Variants in SMAD2 observed in about 807,000 individuals in gnomAD.
SMAD2 encodes the protein MAD homolog 2.
In SMAD2, 8 loss-of-function variants were observed where a neutral mutation model predicts 64.4. The observed-to-expected ratio is 0.12, with a 90% confidence interval of 0.07 to 0.22. SMAD2 has a LOEUF of 0.22. SMAD2 is among the 10% of genes least tolerant of loss of function. The pLI, the probability that SMAD2 is intolerant of heterozygous loss-of-function variation, is 1.00. For missense variants in SMAD2, 289 were observed against 561.2 expected, an observed-to-expected ratio of 0.51 and a Z score of 4.90; for synonymous variants, 203 against 195.8, an observed-to-expected ratio of 1.04 and a Z score of -0.31.
At chr18:47,847,070 T>TA (rs970364581) in intron 8 of SMAD2, among the ~76,000 whole-genome samples, 2 of 152,002 alleles carry the variant, frequency 1.3e-5, no homozygotes, top group African/African-American at 4.8e-5. Context: ...ATAAAAAATT[T>TA]AAAAAAATCC....
rs1442691628 is a variant in SMAD2, at chr18:47,817,665, A to G, written c.*24162T>C. On this transcript the variant is annotated 3_prime_UTR_variant, in exon 11 of 11. Coordinates refer to ENST00000262160, the MANE Select transcript of SMAD2 (RefSeq NM_005901.6). ...TTACTTTGGGTTCTTCTGTGTTTAT[A>G]TTATTTTTTAATCTGCATGACTGGG... is the stretch of plus-strand genomic sequence containing the variant. 1 of 152,120 alleles carries G rather than the reference A, an allele frequency of 6.6e-6. No homozygotes were observed. Among genetic ancestry groups the G allele is most frequent in the Non-Finnish European group, 1.5e-5 (1 of 68,032 alleles). The allele number at this position is 152,120 out of a possible 1,614,324, so 9.4% of individuals were successfully genotyped here.
Position 47,817,448 on chromosome 18 carries a change from G to C in SMAD2, c.*24379C>G, listed in dbSNP as rs1370466318. ...TGATATAAAGACAAGTGTCCCTCTG[G>C]TTTGAGTACTCTGGATTTAAAAACA... On this transcript the variant is annotated 3_prime_UTR_variant, in exon 11 of 11. Coordinates refer to ENST00000262160, the MANE Select transcript of SMAD2 (RefSeq NM_005901.6). 6.6e-6 allele frequency: 1 copy of C among 152,146 alleles called. No homozygotes were observed. The highest frequency in any genetic ancestry group is 2.4e-5 in the African/African-American group (1 of 41,422). The allele number at this position is 152,146 out of a possible 1,614,324, so 9.4% of individuals were successfully genotyped here.
In SMAD2 at chr18:47,833,422, C is replaced by G. The variant is rs12241; in HGVS notation, c.*8405G>C. 1 of 225,824 alleles carries G rather than the reference C, an allele frequency of 4.4e-6. No individual in the cohort carries two copies. The highest frequency in any genetic ancestry group is 8.8e-6 in the Non-Finnish European group (1 of 113,234). The allele number at this position is 225,824 out of a possible 1,614,324, so 14.0% of individuals were successfully genotyped here. A position where few individuals can be genotyped will look rare whatever the true frequency, so the allele number is the denominator to read the frequency against. On this transcript the variant is annotated 3_prime_UTR_variant, in exon 11 of 11. Coordinates refer to ENST00000262160, the MANE Select transcript of SMAD2 (RefSeq NM_005901.6). Reference sequence around the variant, plus strand: ...TTGTTTAATAAAAATAAAAAAGGAACCACATCGTACTTTTGACAATCATAG... The same window carrying G: ...TTGTTTAATAAAAATAAAAAAGGAAGCACATCGTACTTTTGACAATCATAG...
rs1349626575 is a variant in SMAD2, at chr18:47,821,485, A to G, written c.*20342T>C. 6.6e-6 allele frequency: 1 copy of G among 152,144 alleles called. No individual in the cohort carries two copies. The highest frequency in any genetic ancestry group is 1.5e-5 in the Non-Finnish European group (1 of 67,996). The allele number at this position is 152,144 out of a possible 1,614,324, so 9.4% of individuals were successfully genotyped here. Reference sequence around the variant, plus strand: ...TTGAATTGTTCCACGCAAGCAGGAAATTTCTCGTAATTTTTCCAAGAGCCA... The same window carrying G: ...TTGAATTGTTCCACGCAAGCAGGAAGTTTCTCGTAATTTTTCCAAGAGCCA... On this transcript the variant is annotated 3_prime_UTR_variant, in exon 11 of 11. Coordinates refer to ENST00000262160, the MANE Select transcript of SMAD2 (RefSeq NM_005901.6).
At chr18:47,848,095 C>A in intron 8 of SMAD2, among the ~76,000 whole-genome samples, 1 of 151,204 alleles carries the variant, frequency 6.6e-6, no homozygotes. Context: ...AACCTGGGAG[C>A]TATATAAAGA....
intron 7 of SMAD2, among the ~76,000 whole-genome samples, chr18:47,850,233 TATATA>T (rs1915017319): frequency 2.0e-5 from 1 of 49,612 alleles, no homozygotes; most frequent in Non-Finnish European, 3.4e-5. Flanking sequence ...TAATATATAT[TATATA>T]TTATATATTA....
chr18:47,870,468 T>C lies in SMAD2; in HGVS notation c.326+7A>G. ...CTCTAAGATTCGACAGAGGGCAGAA[T>C]ATTCACCTGGTTTGTTCAGAGAAGC... On this transcript the variant is annotated splice_region_variant and intron_variant, in intron 3 of 10. Coordinates refer to ENST00000262160, the MANE Select transcript of SMAD2 (RefSeq NM_005901.6). 1 of 1,602,110 alleles carries C rather than the reference T, an allele frequency of 6.2e-7. No homozygotes were observed. The highest frequency in any genetic ancestry group is 8.6e-7 in the Non-Finnish European group (1 of 1,169,152).
intron 1 of SMAD2, among the ~76,000 whole-genome samples, chr18:47,910,990 A>C (rs746305965): frequency 4.6e-5 from 7 of 152,186 alleles, no homozygotes; most frequent in Non-Finnish European, 1.0e-4. Context: ...TAAATTATCA[A>C]AAGAATGTTC....
At chr18:47,869,484 A>G (rs2031800269) in intron 3 of SMAD2, 48 bp from the exon 4 acceptor site, 1 of 1,434,870 alleles carries the variant, frequency 7.0e-7, no homozygotes, top group Non-Finnish European at 9.6e-7. Flanking sequence ...TAAAAAAAAA[A>G]AAAAAAAAGT....
At chr18:47,859,340 C>G (rs1490720769) in intron 6 of SMAD2, among the ~76,000 whole-genome samples, 1 of 152,068 alleles carries the variant, frequency 6.6e-6, no homozygotes, top group Non-Finnish European at 1.5e-5. Flanking sequence ...CCACCCTGAC[C>G]TAAATGACAT....
chr18:47,905,532 G>T (rs1302962492), intron 1 of SMAD2, among the ~76,000 whole-genome samples: 2 of 151,184 alleles, frequency 1.3e-5, no homozygotes, highest in Non-Finnish European at 2.9e-5. Context: ...TTATTTCAAG[G>T]CTTACTAAAA....
Position 47,845,398 on chromosome 18 carries a change from G to A in SMAD2, c.1222C>T (p.Leu408=), listed in dbSNP as rs2144287531. ...VNQGFEAVYQ[L]TRMCTIRMSF... ...ATTCTTATGGTGCACATTCTAGTTAGCTGATAGACGGCTTCAAAACCCTGA... is the reference window on the plus strand; with the variant it reads ...ATTCTTATGGTGCACATTCTAGTTAACTGATAGACGGCTTCAAAACCCTGA... The change falls in exon 10 of 11, where the codon CTA becomes TTA. Residue 408 remains leucine (L), a synonymous_variant. Coordinates refer to ENST00000262160, the MANE Select transcript of SMAD2 (RefSeq NM_005901.6). 6.2e-7 allele frequency: 1 copy of A among 1,613,614 alleles called. No homozygotes were observed. Among genetic ancestry groups the A allele is most frequent in the Non-Finnish European group, 8.5e-7 (1 of 1,179,648 alleles).
rs1912120869 is a variant in SMAD2, at chr18:47,809,129, C to G, written c.*32698G>C. On this transcript the variant is annotated 3_prime_UTR_variant, in exon 11 of 11. Coordinates refer to ENST00000262160, the MANE Select transcript of SMAD2 (RefSeq NM_005901.6). ...AGTTCTCAACAACAGATCACAGAAA[C>G]AAGGCTGTCCTCCTCGGGCATCTCT... The G allele has an allele frequency of 6.6e-6, 1 of 152,296 alleles. No individual in the cohort carries two copies. The highest frequency in any genetic ancestry group is 1.5e-5 in the Non-Finnish European group (1 of 68,114). The allele number at this position is 152,296 out of a possible 1,614,324, so 9.4% of individuals were successfully genotyped here.
At position 47,850,751 on chromosome 18, in the gene SMAD2, TTATATATATATTATATAC is replaced by T. The variant is rs1385111869; in HGVS notation, c.784+505_784+522del. Among the ~76,000 whole-genome samples the T allele has an allele frequency of 2.9e-4, 6 of 20,416 alleles. 1 individual carries two copies. Among genetic ancestry groups the T allele is most frequent in the African/African-American group, 1.1e-3 (6 of 5,424 alleles). 13.4% of individuals were successfully genotyped at this position (20,416 alleles called of 152,430 possible). On this transcript the variant is annotated intron_variant, in intron 7 of 10. Coordinates refer to ENST00000262160, the MANE Select transcript of SMAD2 (RefSeq NM_005901.6). ...TATTATGTATAATATATATTATATA[TTATATATATATTATATAC>T]ATTATGTATAATATATATTATATAT...
intron 1 of SMAD2, among the ~76,000 whole-genome samples, chr18:47,911,885 C>T (rs1281251768): frequency 6.6e-6 from 1 of 152,198 alleles, no homozygotes; most frequent in Non-Finnish European, 1.5e-5. Flanking sequence ...TAACCTGGGA[C>T]TATCAGGCAG....
intron 1 of SMAD2, among the ~76,000 whole-genome samples, chr18:47,899,501 G>A (rs1390958206): frequency 6.6e-6 from 1 of 152,160 alleles, no homozygotes; most frequent in Non-Finnish European, 1.5e-5. Context: ...ACAATTTATA[G>A]CAACACAACA....
At chr18:47,866,874 A>G (rs1208148706) in intron 5 of SMAD2, 4 of 152,218 alleles carry the variant, frequency 2.6e-5, no homozygotes, top group African/African-American at 9.6e-5. Context: ...AATAAAAAAG[A>G]AAGGAAAAAT....
chr18:47,854,946 T>C (rs1424222228), intron 6 of SMAD2, among the ~76,000 whole-genome samples: 1 of 152,194 alleles, frequency 6.6e-6, no homozygotes, highest in South Asian at 2.1e-4. Context: ...CGTGTATCCA[T>C]TTACAGTTTC....
In SMAD2 at chr18:47,824,600, A is replaced by G. The variant is rs1912683725; in HGVS notation, c.*17227T>C. ...GAAAGCCTCTGTTATTTAGGTTGAC[A>G]GTTATTACACCTGAAAACTAAATTC... On this transcript the variant is annotated 3_prime_UTR_variant, in exon 11 of 11. Coordinates refer to ENST00000262160, the MANE Select transcript of SMAD2 (RefSeq NM_005901.6). The G allele has an allele frequency of 1.3e-5, 2 of 152,212 alleles. No homozygotes were observed. The highest frequency in any genetic ancestry group is 1.9e-4 in the East Asian group (1 of 5,196). The allele number at this position is 152,212 out of a possible 1,614,324, so 9.4% of individuals were successfully genotyped here. A position where few individuals can be genotyped will look rare whatever the true frequency, so the allele number is the denominator to read the frequency against.
Sources: gnomAD v4.1 joint callset for allele counts (sites outside exome capture counted in the v4.1 genomes callset) on GRCh38, gnomAD v4.1.1 for gene constraint, MANE v1.5 for transcripts, NCBI Gene and HGNC (gene_info 2026-07-23, HGNC 2026-07-21) for gene names.